HPSE2: variants seen among roughly 807,000 people sequenced by gnomAD.
HPSE2 encodes the protein heparanase 2 (inactive), also known as inactive heparanase-2.
In HPSE2, 38 loss-of-function variants were observed where a neutral mutation model predicts 60.5. The observed-to-expected ratio is 0.63, with a 90% CI of 0.48 to 0.82. The LOEUF is 0.82. HPSE2 is among the 40% of genes least tolerant of loss of function. The pLI is 0.00. For missense variants in HPSE2, 713 were observed against 740.4 expected (o/e 0.96, Z 0.43); for synonymous variants, 295 against 293.2 (o/e 1.01, Z -0.06).
intron 5 of HPSE2, among the ~76,000 whole-genome samples, chr10:98,702,807 T>C (rs547084712): frequency 6.6e-6 from 1 of 152,198 alleles, no homozygotes; most frequent in Admixed American, 6.5e-5. Flanking sequence ...TTTACAGCAC[T>C]AAATGCCAAC....
chr10:98,520,706 T>C (rs1478576717), intron 9 of HPSE2, among the ~76,000 whole-genome samples: 1 of 152,080 alleles, frequency 6.6e-6, no homozygotes, highest in Non-Finnish European at 1.5e-5. Context: ...CCAAAGTGTA[T>C]TGTTGTACCT....
intron 3 of HPSE2, among the ~76,000 whole-genome samples, chr10:99,119,608 A>G (rs961231160): frequency 6.6e-5 from 10 of 152,200 alleles, no homozygotes; most frequent in African/African-American, 2.4e-4. Context: ...TTCATATGGA[A>G]GCAAAAAAGA....
the HPSE2 span, among the ~76,000 whole-genome samples, chr10:99,279,911 A>T: frequency 1.3e-5 from 2 of 152,212 alleles, no homozygotes; most frequent in Admixed American, 6.5e-5. Flanking sequence ...GAAAATTCAC[A>T]CTGGCACATA....
At position 99,174,511 on chromosome 10, in the gene HPSE2, A is replaced by G. The variant is rs530271880; in HGVS notation, c.449-30112T>C. On this transcript the variant is annotated intron_variant, in intron 2 of 11. Transcript: ENST00000370552. ...CCATTATTCTGTGCCCTATCCTGCAAAGTTAATAAAGGTATCAATACTTGA... is the reference window on the plus strand; with the variant it reads ...CCATTATTCTGTGCCCTATCCTGCAGAGTTAATAAAGGTATCAATACTTGA... 2.6e-5 allele frequency among the ~76,000 whole-genome samples: 4 copies of G among 152,306 alleles called. No homozygotes were observed. The East Asian group carries it at 5.8e-4, about 22-fold the overall frequency.
At chr10:98,844,425 TTAAA>T (rs1460480120) in intron 3 of HPSE2, among the ~76,000 whole-genome samples, 1 of 152,250 alleles carries the variant, frequency 6.6e-6, no homozygotes, top group African/African-American at 2.4e-5. Context: ...TGATAATTAT[TTAAA>T]TGATACTAGT....
At chr10:98,842,420 G>A (rs1951936236) in intron 3 of HPSE2, among the ~76,000 whole-genome samples, 1 of 151,914 alleles carries the variant, frequency 6.6e-6, no homozygotes, top group Admixed American at 6.6e-5. Flanking sequence ...GGTTGAACTG[G>A]TTTTGGTAGA....
chr10:98,653,103 T>G (rs187565284), intron 6 of HPSE2, among the ~76,000 whole-genome samples: 3 of 152,356 alleles, frequency 2.0e-5, no homozygotes, highest in African/African-American at 7.2e-5. Flanking sequence ...TATATCATTA[T>G]GTAATGGTGC....
rs759629581 is a variant in HPSE2, at chr10:98,490,142, C to T, written c.1375G>A (p.Val459Met). 2 of 1,614,088 alleles carry T rather than the reference C, an allele frequency of 1.2e-6. No homozygotes were observed. Among genetic ancestry groups the T allele is most frequent in the African/African-American group, 1.3e-5 (1 of 74,916 alleles). ...TTCCGCTGGAGCCCAGCCACATGCA[C>T]AGCCAAGACTTTGGGGCCGATCAGG... Reference protein sequence around the residue: ...KRLIGPKVLAVHVAGLQRKPR... With the variant: ...KRLIGPKVLAMHVAGLQRKPR... The change falls in exon 10 of 12, where the codon GTG becomes ATG. Residue 459 changes from valine (V) to methionine (M), a missense_variant. Coordinates refer to ENST00000370552, the MANE Select transcript of HPSE2 (RefSeq NM_021828.5).
At chr10:99,229,176 A>T (rs2902264) in intron 2 of HPSE2, among the ~76,000 whole-genome samples, 73,388 of 150,366 alleles carry the variant, frequency 0.49, 20,832 homozygotes, top group Non-Finnish European at 0.64. Context: ...CCATATCGAA[A>T]AAAAAAAAAA....
intron 9 of HPSE2, among the ~76,000 whole-genome samples, chr10:98,580,836 A>ATATATATATATATGTGTGTGTGTG: frequency 1.4e-4 from 17 of 119,522 alleles, no homozygotes; most frequent in African/African-American, 4.7e-4. Context: ...ATATATATAT[A>ATATATATATATATGTGTGTGTGTG]TGTGTGTGTG....
chr10:99,261,997 C>T, the HPSE2 span, among the ~76,000 whole-genome samples: 1 of 152,218 alleles, frequency 6.6e-6, no homozygotes, highest in Non-Finnish European at 1.5e-5. Flanking sequence ...CCCAGAGCCC[C>T]TGGAACTCTG....
intron 6 of HPSE2, among the ~76,000 whole-genome samples, chr10:98,693,528 A>G (rs552655313): frequency 6.6e-6 from 1 of 152,328 alleles, no homozygotes. Flanking sequence ...TGATATATTG[A>G]GCAATTAAAA....
At chr10:99,148,577 G>T (rs992774275) in intron 2 of HPSE2, among the ~76,000 whole-genome samples, 13 of 152,092 alleles carry the variant, frequency 8.5e-5, no homozygotes, top group African/African-American at 2.9e-4. Flanking sequence ...CATCACCTGA[G>T]GTCTGGAGTT....
intron 6 of HPSE2, among the ~76,000 whole-genome samples, chr10:98,689,254 G>A (rs924969280): frequency 2.0e-5 from 3 of 152,082 alleles, no homozygotes; most frequent in Non-Finnish European, 2.9e-5. Context: ...TTAGCAATGA[G>A]GTCACTGACA....
chr10:98,762,258 G>T (rs1040569156), intron 3 of HPSE2, among the ~76,000 whole-genome samples: 10 of 130,830 alleles, frequency 7.6e-5, no homozygotes, highest in African/African-American at 2.9e-4. Flanking sequence ...CTCTAAAGAA[G>T]TCCCAGTCTC....
chr10:99,076,333 C>T (rs1842950823), intron 3 of HPSE2, among the ~76,000 whole-genome samples: 1 of 152,134 alleles, frequency 6.6e-6, no homozygotes, highest in Non-Finnish European at 1.5e-5. Context: ...TTACTTCTCC[C>T]TTTACATCTT....
chr10:98,955,551 T>C (rs1389263596), intron 3 of HPSE2, among the ~76,000 whole-genome samples: 1 of 152,156 alleles, frequency 6.6e-6, no homozygotes. Context: ...ACAGTGGCGA[T>C]TCTTCAAAGA....
chr10:98,463,757 A>C (rs1463357847), intron 11 of HPSE2, among the ~76,000 whole-genome samples: 4 of 152,180 alleles, frequency 2.6e-5, no homozygotes, highest in Admixed American at 1.3e-4. Context: ...GTAAGCTGAG[A>C]CTGTGCCACT....
chr10:98,905,920 C>G (rs972224221), intron 3 of HPSE2, among the ~76,000 whole-genome samples: 1 of 152,182 alleles, frequency 6.6e-6, no homozygotes. Context: ...ATGTTGCACC[C>G]ACCAGATCTC....
Sources: gnomAD v4.1 joint callset for allele counts (sites outside exome capture counted in the v4.1 genomes callset) on GRCh38, gnomAD v4.1.1 for gene constraint, MANE v1.5 for transcripts, NCBI Gene and HGNC (gene_info 2026-07-23, HGNC 2026-07-21) for gene names.